The following TMEM217B variants were observed in gnomAD, a reference collection of about 807,000 sequenced individuals.
TMEM217B encodes transmembrane protein 217B, also known as putative transmembrane protein 217B.
the TMEM217B span, chr6:37,257,563 C>T: frequency 5.9e-6 from 2 of 338,228 alleles, no homozygotes; most frequent in African/African-American, 2.2e-5. Context: ...GGTCCCTTAC[C>T]TTACCTGCTT....
At chr6:37,214,722 T>C in the TMEM217B span, among the ~76,000 whole-genome samples, 1 of 152,210 alleles carries the variant, frequency 6.6e-6, no homozygotes, top group Non-Finnish European at 1.5e-5. Flanking sequence ...CTTAGCATAA[T>C]GTTTTCCAGA....
chr6:37,226,518 C>T, the TMEM217B span, among the ~76,000 whole-genome samples: 3 of 151,386 alleles, frequency 2.0e-5, no homozygotes, highest in Admixed American at 6.6e-5. Flanking sequence ...AGGATGGTCT[C>T]GATCTCCTGA....
chr6:37,256,741 A>AGGGTGG, the TMEM217B span, among the ~76,000 whole-genome samples: 2 of 9,126 alleles, frequency 2.2e-4, no homozygotes, highest in Non-Finnish European at 4.3e-4. Context: ...CTGTAAATGG[A>AGGGTGG]GGGTGGGGGT....
At chr6:37,220,580 T>G in the TMEM217B span, among the ~76,000 whole-genome samples, 1 of 151,820 alleles carries the variant, frequency 6.6e-6, no homozygotes, top group Non-Finnish European at 1.5e-5. Context: ...CCATATTACA[T>G]GAAGTATTTT....
At chr6:37,257,797 C>G in the TMEM217B span, 3 of 1,092,118 alleles carry the variant, frequency 2.7e-6, no homozygotes, top group Admixed American at 2.2e-5. Context: ...TCCCCAGGAG[C>G]TGGGAGCGGG....
the TMEM217B span, chr6:37,215,163 G>A: frequency 3.1e-6 from 5 of 1,605,326 alleles, no homozygotes; most frequent in South Asian, 3.4e-5. Context: ...CGCTAGCCAA[G>A]GTCCTCTGGT....
the TMEM217B span, among the ~76,000 whole-genome samples, chr6:37,252,452 C>G: frequency 9.2e-5 from 14 of 151,518 alleles, no homozygotes; most frequent in Admixed American, 2.6e-4. Flanking sequence ...CCCTGGTTGA[C>G]ATACATACAT....
chr6:37,217,255 T>C, the TMEM217B span, among the ~76,000 whole-genome samples: 1 of 152,174 alleles, frequency 6.6e-6, no homozygotes, highest in South Asian at 2.1e-4. Flanking sequence ...GGTCGCACCA[T>C]TGCACTCTGG....
the TMEM217B span, among the ~76,000 whole-genome samples, chr6:37,215,890 G>A: frequency 5.9e-5 from 9 of 152,180 alleles, no homozygotes; most frequent in African/African-American, 2.2e-4. Flanking sequence ...GGCTTGAGCA[G>A]AGGGGAAGGC....
chr6:37,257,797 C>A, the TMEM217B span: 2 of 1,092,116 alleles, frequency 1.8e-6, no homozygotes, highest in Non-Finnish European at 2.7e-6. Context: ...TCCCCAGGAG[C>A]TGGGAGCGGG....
At chr6:37,213,659 A>G in the TMEM217B span, among the ~76,000 whole-genome samples, 2 of 152,376 alleles carry the variant, frequency 1.3e-5, no homozygotes, top group African/African-American at 4.8e-5. Context: ...AACCTAGGTT[A>G]CACCTGAGCT....
At chr6:37,237,679 G>A in the TMEM217B span, among the ~76,000 whole-genome samples, 1 of 152,052 alleles carries the variant, frequency 6.6e-6, no homozygotes, top group Non-Finnish European at 1.5e-5. Context: ...TTGCACAATG[G>A]GAGTGTTAAA....
At chr6:37,246,985 T>C in the TMEM217B span, among the ~76,000 whole-genome samples, 1 of 152,090 alleles carries the variant, frequency 6.6e-6, no homozygotes, top group South Asian at 2.1e-4. Context: ...GGTTAGGAGT[T>C]TGGATTTCAT....
chr6:37,257,994 G>A, the TMEM217B span: 1,647 of 1,613,184 alleles, frequency 1.0e-3, 16 homozygotes, highest in South Asian at 8.5e-3. Flanking sequence ...GACGCTGAGA[G>A]GGATAGGGGA....
At chr6:37,242,356 G>A in the TMEM217B span, among the ~76,000 whole-genome samples, 1,232 of 152,284 alleles carry the variant, frequency 8.1e-3, 13 homozygotes, top group African/African-American at 0.028. Context: ...GTAGAAAGCT[G>A]GGAACCATTC....
chr6:37,256,482 CT>C, the TMEM217B span, among the ~76,000 whole-genome samples: 3 of 152,068 alleles, frequency 2.0e-5, no homozygotes, highest in East Asian at 1.9e-4. Flanking sequence ...AATAGAGGGG[CT>C]TTTTTTCTCT....
chr6:37,236,939 G>A, the TMEM217B span, among the ~76,000 whole-genome samples: 23 of 152,214 alleles, frequency 1.5e-4, no homozygotes, highest in African/African-American at 5.3e-4. Flanking sequence ...CCATCCATGT[G>A]GGCTTCTCCA....
chr6:37,237,753 A>G, the TMEM217B span, among the ~76,000 whole-genome samples: 52 of 152,362 alleles, frequency 3.4e-4, no homozygotes, highest in African/African-American at 1.1e-3. Flanking sequence ...ACAATGTAAT[A>G]TCAAGTGAAA....
the TMEM217B span, among the ~76,000 whole-genome samples, chr6:37,252,631 ATATATATTT>A: frequency 2.1e-3 from 166 of 77,300 alleles, no homozygotes; most frequent in Middle Eastern, 6.4e-3. Context: ...ATATATATAT[ATATATATTT>A]TTTTTTTTTT....
Sources: gnomAD v4.1 joint callset for allele counts (sites outside exome capture counted in the v4.1 genomes callset) on GRCh38, gnomAD v4.1.1 for gene constraint, MANE v1.5 for transcripts, NCBI Gene and HGNC (gene_info 2026-07-23, HGNC 2026-07-21) for gene names.